The following MRGPRX2 variants were observed in gnomAD, a reference collection of about 807,000 sequenced individuals.
MRGPRX2 encodes the protein MAS related GPR family member X2, also known as mas-related G protein-coupled receptor member X2.
For synonymous variants in MRGPRX2, 183 were observed against 175.6 expected, an observed-to-expected ratio of 1.04 and a Z score of -0.33; for missense variants, 389 against 404.5, an observed-to-expected ratio of 0.96 and a Z score of 0.33.
chr11:19,056,236 C>T lies in MRGPRX2; in HGVS notation c.167G>A (p.Gly56Asp). The change falls in exon 2 of 2, where the codon GGC (glycine) becomes GAC (aspartate). Residue 56 changes from glycine to aspartate, a missense_variant. Gly to Asp is a moderately conservative substitution (Grantham distance 94). Coordinates refer to ENST00000329773, the MANE Select transcript of MRGPRX2 (RefSeq NM_054030.4). Reference sequence around the variant, plus strand: ...GAAGGCGTTCCTGCGCATGCGGAAGCCCAGGAGCCAGAGCACAAACCCGTT... The same window carrying T: ...GAAGGCGTTCCTGCGCATGCGGAAGTCCAGGAGCCAGAGCACAAACCCGTT... Reference protein sequence around the residue: ...VGNGFVLWLLGFRMRRNAFSV... With the variant: ...VGNGFVLWLLDFRMRRNAFSV... The T allele has an allele frequency of 6.2e-7, 1 of 1,614,138 alleles. No homozygotes were observed. Among genetic ancestry groups the T allele is most frequent in the Non-Finnish European group, 8.5e-7 (1 of 1,179,972 alleles).
intron 1 of MRGPRX2, among the ~76,000 whole-genome samples, chr11:19,059,249 C>CT (rs1849646142): frequency 6.6e-6 from 1 of 152,124 alleles, no homozygotes; most frequent in Admixed American, 6.6e-5. Flanking sequence ...TGTACTCTTT[C>CT]TTTTTTTCTC....
intron 1 of MRGPRX2, among the ~76,000 whole-genome samples, chr11:19,056,919 G>T (rs183439197): frequency 1.3e-4 from 20 of 152,278 alleles, no homozygotes; most frequent in African/African-American, 4.6e-4. Flanking sequence ...TCATAACGGA[G>T]AGGTGACTTC....
Position 19,055,297 on chromosome 11 carries a change from C to T in MRGPRX2, c.*113G>A. ...CTGTCTCACTTAATCCTCACAAGGACTCTCTTAACTGTTTTAAAATCAGGA... is the reference window on the plus strand; with the variant it reads ...CTGTCTCACTTAATCCTCACAAGGATTCTCTTAACTGTTTTAAAATCAGGA... On this transcript the variant is annotated 3_prime_UTR_variant, in exon 2 of 2. Coordinates refer to ENST00000329773, the MANE Select transcript of MRGPRX2 (RefSeq NM_054030.4). 1 of 1,113,454 alleles carries T rather than the reference C, an allele frequency of 9.0e-7. No homozygotes were observed. Among genetic ancestry groups the T allele is most frequent in the Non-Finnish European group, 1.3e-6 (1 of 772,720 alleles). 69.0% of individuals were successfully genotyped at this position (1,113,454 alleles called of 1,614,324 possible).
chr11:19,055,313 A>G lies in MRGPRX2; in HGVS notation c.*97T>C. 7.7e-7 allele frequency: 1 copy of G among 1,307,104 alleles called. No individual in the cohort carries two copies. Among genetic ancestry groups the G allele is most frequent in the Middle Eastern group, 1.9e-4 (1 of 5,238 alleles). The allele number at this position is 1,307,104 out of a possible 1,614,324, so 81.0% of individuals were successfully genotyped here. A position where few individuals can be genotyped will look rare whatever the true frequency, so the allele number is the denominator to read the frequency against. Reference sequence around the variant, plus strand: ...TCACAAGGACTCTCTTAACTGTTTTAAAATCAGGACTGAGAAAGTTCAGCA... The same window carrying G: ...TCACAAGGACTCTCTTAACTGTTTTGAAATCAGGACTGAGAAAGTTCAGCA... On this transcript the variant is annotated 3_prime_UTR_variant, in exon 2 of 2. Transcript: ENST00000329773.
chr11:19,060,376 T>C (rs1849658449), intron 1 of MRGPRX2, among the ~76,000 whole-genome samples: 1 of 152,122 alleles, frequency 6.6e-6, no homozygotes, highest in African/African-American at 2.4e-5. Context: ...ATCAGCAAAA[T>C]CTTTCTCTCC....
chr11:19,056,550 A>G, intron 1 of MRGPRX2, 123 bp from the exon 2 acceptor site: 1 of 987,460 alleles, frequency 1.0e-6, no homozygotes, highest in South Asian at 1.6e-5. Context: ...GAAGAGATTA[A>G]GTCATTTATT....
Position 19,056,188 on chromosome 11 carries a change from G to T in MRGPRX2, c.215C>A (p.Ala72Asp). 6.2e-7 allele frequency: 1 copy of T among 1,614,164 alleles called. No homozygotes were observed. The highest frequency in any genetic ancestry group is 1.1e-5 in the South Asian group (1 of 91,086). The part of the protein sequence containing the change: ...NAFSVYVLSL[A>D]GADFLFLCFQ... ...GCAGAGGAAGAGGAAGTCGGCCCCG[G>T]CCAGGCTGAGGACGTAGACAGAGAA... The change falls in exon 2 of 2, where the codon GCC becomes GAC. Residue 72 changes from alanine (A) to aspartate (D), a missense_variant. By Grantham distance (126) the Ala-to-Asp change is moderately radical. Transcript: ENST00000329773.
chr11:19,055,850 A>T lies in MRGPRX2; in HGVS notation c.553T>A (p.Phe185Ile). 1 of 1,614,132 alleles carries T rather than the reference A, an allele frequency of 6.2e-7. No homozygotes were observed. The highest frequency in any genetic ancestry group is 8.5e-7 in the Non-Finnish European group (1 of 1,180,022). ...GDSGWCQTFD[F>I]ITAAWLIFLF... ...AAAATCAGCCACGCTGCAGTGATGA[A>T]ATCAAATGTCTGACACCAACCAGAG... is the stretch of plus-strand genomic sequence containing the variant. Residue 185 changes from phenylalanine to isoleucine, a missense_variant, in exon 2 of 2, where the codon TTC (phenylalanine) becomes ATC (isoleucine). By Grantham distance (21) the Phe-to-Ile change is conservative (BLOSUM62 0). Coordinates refer to ENST00000329773, the MANE Select transcript of MRGPRX2 (RefSeq NM_054030.4).
In MRGPRX2 at chr11:19,056,441, C is replaced by T. The variant is rs764062425; in HGVS notation, c.-25-14G>A. 6 of 1,581,444 alleles carry T rather than the reference C, an allele frequency of 3.8e-6. No homozygotes were observed. The highest frequency in any genetic ancestry group is 5.2e-6 in the Non-Finnish European group (6 of 1,162,052). On this transcript the variant is annotated splice_polypyrimidine_tract_variant and intron_variant, in intron 1 of 1. Coordinates refer to ENST00000329773, the MANE Select transcript of MRGPRX2 (RefSeq NM_054030.4). ...CCACTGGTGCCCCTGGAAACAAAAA[C>T]AAGACTTGAGCACCTGCTGCATGTT... is the stretch of plus-strand genomic sequence containing the variant.
intron 1 of MRGPRX2, among the ~76,000 whole-genome samples, chr11:19,059,053 A>C (rs1355658011): frequency 1.3e-5 from 2 of 152,208 alleles, no homozygotes; most frequent in African/African-American, 2.4e-5. Flanking sequence ...CAGATGCTAA[A>C]AGAGAATCGG....
At chr11:19,059,948 G>A (rs1849654184) in intron 1 of MRGPRX2, among the ~76,000 whole-genome samples, 1 of 152,198 alleles carries the variant, frequency 6.6e-6, no homozygotes, top group Non-Finnish European at 1.5e-5. Flanking sequence ...CTGAAGGGCT[G>A]TGAGTTGGCA....
intron 1 of MRGPRX2, among the ~76,000 whole-genome samples, chr11:19,056,848 G>A (rs1849624713): frequency 6.6e-6 from 1 of 152,128 alleles, no homozygotes; most frequent in Non-Finnish European, 1.5e-5. Flanking sequence ...CATGACCCAT[G>A]GCCACCCTTA....
chr11:19,056,119 C>T lies in MRGPRX2; in HGVS notation c.284G>A (p.Cys95Tyr). ...GCTAGGGAAATTGATGGAGATGGAA[C>T]AGAAGAAGTTACTGAGGTACACCAG... is the stretch of plus-strand genomic sequence containing the variant. ...NCLVYLSNFF[C>Y]SISINFPSFF... is the part of the protein sequence containing the mutation. The change falls in exon 2 of 2, where the codon TGT (cysteine) becomes TAT (tyrosine). Residue 95 changes from cysteine (C) to tyrosine (Y), a missense_variant. Cys to Tyr is a radical substitution (Grantham distance 194). Transcript: ENST00000329773. 1.9e-6 allele frequency: 3 copies of T among 1,614,212 alleles called. No individual in the cohort carries two copies. The highest frequency in any genetic ancestry group is 2.5e-6 in the Non-Finnish European group (3 of 1,180,042).
Position 19,054,880 on chromosome 11 carries a change from A to G in MRGPRX2, c.*530T>C, listed in dbSNP as rs1031842581. ...TGGAGACTTTTCAGAGGTTTAACTT[A>G]AACATTAACCAGTTTATTCATTCAT... On this transcript the variant is annotated 3_prime_UTR_variant, in exon 2 of 2. Coordinates refer to ENST00000329773, the MANE Select transcript of MRGPRX2 (RefSeq NM_054030.4). 14 of 152,304 alleles carry G rather than the reference A, an allele frequency of 9.2e-5. No individual in the cohort carries two copies. The highest frequency in any genetic ancestry group is 3.4e-4 in the African/African-American group (14 of 41,474). 9.4% of individuals were successfully genotyped at this position (152,304 alleles called of 1,614,324 possible).
intron 1 of MRGPRX2, among the ~76,000 whole-genome samples, chr11:19,058,978 T>G (rs1849643890): frequency 6.6e-6 from 1 of 152,236 alleles, no homozygotes; most frequent in South Asian, 2.1e-4. Context: ...TAGGTTTATT[T>G]CTGTTCCATG....
At chr11:19,058,095 A>G (rs78181758) in intron 1 of MRGPRX2, among the ~76,000 whole-genome samples, 3,092 of 152,316 alleles carry the variant, frequency 0.02, 88 homozygotes, top group African/African-American at 0.069. Context: ...AGAGAGATTA[A>G]TCAAATAAGG....
In MRGPRX2 at chr11:19,055,848, G is replaced by A; in HGVS notation, c.555C>T (p.Phe185=). 1 of 1,614,112 alleles carries A rather than the reference G, an allele frequency of 6.2e-7. No homozygotes were observed. The highest frequency in any genetic ancestry group is 1.1e-5 in the South Asian group (1 of 91,072). ...GDSGWCQTFD[F]ITAAWLIFLF... is the part of the protein sequence containing the mutation. ...AAAAAATCAGCCACGCTGCAGTGAT[G>A]AAATCAAATGTCTGACACCAACCAG... Residue 185 remains phenylalanine, a synonymous_variant, in exon 2 of 2, where the codon TTC becomes TTT. Transcript: ENST00000329773.
In MRGPRX2 at chr11:19,055,560, G is replaced by A. The variant is rs868801857; in HGVS notation, c.843C>T (p.Phe281=). 3 of 1,614,192 alleles carry A rather than the reference G, an allele frequency of 1.9e-6. No homozygotes were observed. The change falls in exon 2 of 2, where the codon TTC becomes TTT. Residue 281 remains phenylalanine, a synonymous_variant. Coordinates refer to ENST00000329773, the MANE Select transcript of MRGPRX2 (RefSeq NM_054030.4). ...GCCACTGCTTCCTAAAAGAGCCCAC[G>A]AAGAAGTAAATGATGGGGTTGGCAC... ...NSSANPIIYF[F]VGSFRKQWRL...
At position 19,056,139 on chromosome 11, in the gene MRGPRX2, C is replaced by G. The variant is rs1383439078; in HGVS notation, c.264G>C (p.Val88=). 3.1e-6 allele frequency: 5 copies of G among 1,614,224 alleles called. No homozygotes were observed. Among genetic ancestry groups the G allele is most frequent in the Non-Finnish European group, 4.2e-6 (5 of 1,180,046 alleles). ...TGGAACAGAAGAAGTTACTGAGGTA[C>G]ACCAGGCAATTTATAATCTGGAAGC... is the stretch of plus-strand genomic sequence containing the variant. ...FLCFQIINCL[V]YLSNFFCSIS... Residue 88 remains valine, a synonymous_variant, in exon 2 of 2, where the codon GTG becomes GTC. Transcript: ENST00000329773.
Sources: gnomAD v4.1 joint callset for allele counts (sites outside exome capture counted in the v4.1 genomes callset) on GRCh38, gnomAD v4.1.1 for gene constraint, MANE v1.5 for transcripts, NCBI Gene and HGNC (gene_info 2026-07-23, HGNC 2026-07-21) for gene names.